The following VPS13B variants were observed in gnomAD, a reference collection of about 807,000 sequenced individuals.
VPS13B encodes the protein vacuolar protein sorting 13 homolog B, also known as intermembrane lipid transfer protein VPS13B.
Under a neutral mutation model 426.4 loss-of-function variants are expected in VPS13B, and 285 were observed. That is an observed-to-expected ratio of 0.67 (90% CI 0.61 to 0.74). The LOEUF is 0.74. Among genes scored for constraint, VPS13B ranks in the 30% least tolerant of loss-of-function variants. The pLI, the probability that VPS13B is intolerant of heterozygous loss-of-function variation, is 0.00. For synonymous variants in VPS13B, 1,676 were observed against 1,676.4 expected (o/e 1.00, Z 0.01); for missense variants, 4,537 against 4,782.6 (o/e 0.95, Z 1.51).
intron 39 of VPS13B, among the ~76,000 whole-genome samples, chr8:99,726,897 G>A (rs1042938404): frequency 6.6e-6 from 1 of 152,324 alleles, no homozygotes; most frequent in Non-Finnish European, 1.5e-5. Flanking sequence ...TATTATAGCA[G>A]CATAAACTTT....
intron 31 of VPS13B, among the ~76,000 whole-genome samples, chr8:99,569,494 T>C (rs12547022): frequency 0.17 from 26,535 of 152,076 alleles, 2,838 homozygotes; most frequent in East Asian, 0.39. Context: ...ACAGACCATC[T>C]AGCATTTCTT....
chr8:99,294,490 T>C (rs540158512), intron 19 of VPS13B, among the ~76,000 whole-genome samples: 1 of 150,008 alleles, frequency 6.7e-6, no homozygotes, highest in East Asian at 2.0e-4. Context: ...TGTATACATA[T>C]GTAACTAACC....
At position 99,835,890 on chromosome 8, in the gene VPS13B, A is replaced by G. The variant is rs1488875169; in HGVS notation, c.9942+152A>G. ...GTGTATCCATTTTTACGTCCTCATTAAGTTATAAATTCTCAAACTCAAGTA... is the reference window on the plus strand; with the variant it reads ...GTGTATCCATTTTTACGTCCTCATTGAGTTATAAATTCTCAAACTCAAGTA... On this transcript the variant is annotated intron_variant, in intron 54 of 61. Transcript: ENST00000357162. The G allele has an allele frequency of 5.0e-6, 4 of 803,532 alleles. No individual in the cohort carries two copies. The Admixed American group carries it at 9.9e-5, about 20-fold the overall frequency. The allele number at this position is 803,532 out of a possible 1,614,324, so 49.8% of individuals were successfully genotyped here.
intron 25 of VPS13B, among the ~76,000 whole-genome samples, chr8:99,497,241 ATATG>A (rs1433862303): frequency 7.1e-6 from 1 of 141,134 alleles, no homozygotes; most frequent in African/African-American, 2.6e-5. Flanking sequence ...ATATATACAT[ATATG>A]TATGTATTTA....
rs138486410 is a variant in VPS13B at position 99,135,515 on chromosome 8, G to A, written c.1426-81G>A. 381 of 1,513,590 alleles carry A rather than the reference G, an allele frequency of 2.5e-4. 1 individual carries two copies. The African/African-American group carries it at 4.9e-3, about 19-fold the overall frequency. 93.8% of individuals were successfully genotyped at this position (1,513,590 alleles called of 1,614,324 possible). A position where few individuals can be genotyped will look rare whatever the true frequency, so the allele number is the denominator to read the frequency against. Reference sequence around the variant, plus strand: ...GTGATTTCTTTTGACTAGTAAATGGGCATCATAAAATCAAGGTTTTATTTT... The same window carrying A: ...GTGATTTCTTTTGACTAGTAAATGGACATCATAAAATCAAGGTTTTATTTT... On this transcript the variant is annotated intron_variant, in intron 10 of 61. Coordinates refer to ENST00000357162, the MANE Select transcript of VPS13B (RefSeq NM_152564.5).
chr8:99,253,933 C>G (rs1323685229), intron 17 of VPS13B, among the ~76,000 whole-genome samples: 1 of 152,154 alleles, frequency 6.6e-6, no homozygotes, highest in African/African-American at 2.4e-5. Context: ...TTATATTTCA[C>G]ATTTCTAACT....
At chr8:99,758,088 T>C (rs1421056088) in intron 39 of VPS13B, among the ~76,000 whole-genome samples, 3 of 152,222 alleles carry the variant, frequency 2.0e-5, no homozygotes, top group South Asian at 2.1e-4. Flanking sequence ...TCCTTAGTTA[T>C]AGATATTGTA....
intron 34 of VPS13B, among the ~76,000 whole-genome samples, chr8:99,653,506 C>T (rs1254029853): frequency 3.4e-5 from 5 of 147,304 alleles, no homozygotes. Flanking sequence ...CTTGTGCTTA[C>T]TTGTGCTGAA....
At chr8:99,537,694 G>C (rs1823331370) in intron 30 of VPS13B, among the ~76,000 whole-genome samples, 1 of 152,154 alleles carries the variant, frequency 6.6e-6, no homozygotes. Context: ...AGTGTTTCCT[G>C]CCAGTAGAAT....
chr8:99,316,381 A>G lies in VPS13B; in HGVS notation c.2824+41127A>G, dbSNP rs531728293. ...GCCCCAGGTTATGATGCAATCTGGT[A>G]GGACCTGGATTCTCAAAGTGGTGCT... is the stretch of plus-strand genomic sequence containing the variant. On this transcript the variant is annotated intron_variant, in intron 19 of 61. Coordinates refer to ENST00000357162, the MANE Select transcript of VPS13B (RefSeq NM_152564.5). 2.0e-5 allele frequency among the ~76,000 whole-genome samples: 3 copies of G among 152,276 alleles called. No homozygotes were observed. In the East Asian group the frequency reaches 5.8e-4, roughly 29 times the overall value.
chr8:99,209,655 C>A (rs1019968651), intron 17 of VPS13B: 1 of 760,786 alleles, frequency 1.3e-6, no homozygotes, highest in Non-Finnish European at 1.7e-6. Flanking sequence ...GATCCTCCCA[C>A]CTCAACCTCC....
In VPS13B at chr8:99,096,237, A is replaced by T. The variant is rs1205222609; in HGVS notation, c.292-75A>T. On this transcript the variant is annotated intron_variant, in intron 3 of 61. Transcript: ENST00000357162. ...CTCCTGTAGCTACCATAAACTGCAT[A>T]TATTAAAAAATTTTTTTTCTTAATT... The T allele has an allele frequency of 9.6e-6, 15 of 1,554,714 alleles. No individual in the cohort carries two copies. The Admixed American group carries it at 1.4e-4, about 15-fold the overall frequency.
intron 22 of VPS13B, among the ~76,000 whole-genome samples, chr8:99,439,510 G>C (rs756249413): frequency 6.6e-5 from 10 of 151,976 alleles, no homozygotes; most frequent in African/African-American, 9.7e-5. Context: ...AACATACAAT[G>C]TTCCTTTATT....
chr8:99,171,656 A>T (rs866022149), intron 16 of VPS13B, among the ~76,000 whole-genome samples: 4 of 152,148 alleles, frequency 2.6e-5, no homozygotes, highest in Middle Eastern at 6.8e-3. Flanking sequence ...AGATCACAGA[A>T]TGCCAATATT....
At chr8:99,666,478 T>A (rs920818683) in intron 35 of VPS13B, among the ~76,000 whole-genome samples, 7 of 152,166 alleles carry the variant, frequency 4.6e-5, no homozygotes, top group African/African-American at 1.4e-4. Flanking sequence ...GTGGGCTTCA[T>A]CCCTGGGATG....
chr8:99,506,423 T>G (rs1225503682), intron 27 of VPS13B, among the ~76,000 whole-genome samples: 2 of 152,246 alleles, frequency 1.3e-5, no homozygotes, highest in Non-Finnish European at 2.9e-5. Context: ...CGTATTATGT[T>G]GTACTTTATC....
intron 19 of VPS13B, among the ~76,000 whole-genome samples, chr8:99,370,755 G>T (rs138053721): frequency 6.6e-6 from 1 of 151,704 alleles, no homozygotes; most frequent in East Asian, 1.9e-4. Flanking sequence ...GACTACAGGC[G>T]TGTACCACCA....
At chr8:99,271,464 A>G (rs1818603544) in intron 17 of VPS13B, among the ~76,000 whole-genome samples, 1 of 152,230 alleles carries the variant, frequency 6.6e-6, no homozygotes. Context: ...ACCACTTCAA[A>G]TGGACACAAT....
intron 3 of VPS13B, among the ~76,000 whole-genome samples, chr8:99,084,245 G>A (rs1285762914): frequency 1.3e-5 from 2 of 152,262 alleles, no homozygotes; most frequent in African/African-American, 2.4e-5. Context: ...TTGCGCAGAG[G>A]TGTTTGTAGT....
Sources: gnomAD v4.1 joint callset for allele counts (sites outside exome capture counted in the v4.1 genomes callset) on GRCh38, gnomAD v4.1.1 for gene constraint, MANE v1.5 for transcripts, NCBI Gene and HGNC (gene_info 2026-07-23, HGNC 2026-07-21) for gene names.